STPG2: variants seen among roughly 807,000 people sequenced by gnomAD.
STPG2 encodes sperm tail PG-rich repeat containing 2, also known as sperm-tail PG-rich repeat-containing protein 2.
Under a neutral mutation model 54.2 loss-of-function variants are expected in STPG2, and 56 were observed. The ratio of observed to expected loss-of-function variants is 1.03; its 90% confidence interval spans 0.83 to 1.29. The LOEUF is 1.29. Among genes scored for constraint, STPG2 ranks in the 50% most tolerant of loss-of-function variants. STPG2 has a pLI of 0.00. For synonymous variants in STPG2, 200 were observed against 181.8 expected, an observed-to-expected ratio of 1.10 and a Z score of -0.81; for missense variants, 596 against 544.9, an observed-to-expected ratio of 1.09 and a Z score of -0.93.
downstream of STPG2, among the ~76,000 whole-genome samples, chr4:97,558,090 G>A (rs1283839012): frequency 2.6e-5 from 4 of 152,134 alleles, no homozygotes; most frequent in Non-Finnish European, 4.4e-5. Context: ...ATATATCTGT[G>A]CCTAATACAT....
At chr4:97,845,410 GATAGA>G (rs1728919709) in intron 8 of STPG2, among the ~76,000 whole-genome samples, 1 of 152,012 alleles carries the variant, frequency 6.6e-6, no homozygotes, top group South Asian at 2.1e-4. Context: ...GATCTCTTAA[GATAGA>G]ATAGATCTAT....
chr4:97,999,854 C>T (rs1201291936), intron 5 of STPG2, among the ~76,000 whole-genome samples: 1 of 152,090 alleles, frequency 6.6e-6, no homozygotes, highest in Non-Finnish European at 1.5e-5. Flanking sequence ...GCTGTAAATA[C>T]ACATTGGAAG....
rs762589453 is a variant in STPG2 at position 97,712,667 on chromosome 4, G to T, written c.1320+32C>A. ...CTTTCTGGAAATTAATTCTATTCTT[G>T]TGTCACTGTTAAGAAGGAAATATTG... On this transcript the variant is annotated intron_variant, in intron 10 of 10. Coordinates refer to ENST00000295268, the MANE Select transcript of STPG2 (RefSeq NM_174952.3). 5.6e-6 allele frequency: 8 copies of T among 1,420,268 alleles called. No individual in the cohort carries two copies. In the Admixed American group the frequency reaches 1.5e-4, roughly 26 times the overall value. The allele number at this position is 1,420,268 out of a possible 1,614,324, so 88.0% of individuals were successfully genotyped here. A position where few individuals can be genotyped will look rare whatever the true frequency, so the allele number is the denominator to read the frequency against.
intron 4 of STPG2, among the ~76,000 whole-genome samples, chr4:97,470,114 A>G (rs566301874): frequency 5.9e-5 from 9 of 152,142 alleles, no homozygotes; most frequent in Non-Finnish European, 1.3e-4. Flanking sequence ...ATAAAATAAA[A>G]TGAAAGTCAG....
At chr4:97,996,828 T>C (rs896960769) in intron 5 of STPG2, among the ~76,000 whole-genome samples, 1 of 151,922 alleles carries the variant, frequency 6.6e-6, no homozygotes, top group African/African-American at 2.4e-5. Flanking sequence ...AACAAGCATA[T>C]GAAAAAAATG....
At chr4:97,758,866 T>A (rs1389699694) in intron 9 of STPG2, among the ~76,000 whole-genome samples, 2 of 151,556 alleles carry the variant, frequency 1.3e-5, no homozygotes, top group Non-Finnish European at 2.9e-5. Flanking sequence ...AACCCAATAA[T>A]TAAAGACACA....
chr4:97,681,308 A>G (rs949769959), intron 10 of STPG2, among the ~76,000 whole-genome samples: 2 of 151,906 alleles, frequency 1.3e-5, no homozygotes, highest in African/African-American at 4.8e-5. Context: ...TCGATATAGA[A>G]CAAGAAAAAG....
At position 97,646,689 on chromosome 4, in the gene STPG2, C is replaced by G. The variant is rs539723524; in HGVS notation, c.1320+66010G>C. Among the ~76,000 whole-genome samples the G allele has an allele frequency of 4.6e-5, 7 of 152,114 alleles. No homozygotes were observed. In the South Asian group the frequency reaches 1.5e-3, roughly 32 times the overall value. The stretch of plus-strand genomic sequence containing the variant: ...TTAATAAAGTTTATTGATTTATATT[C>G]TGTAAATTAACAGAAAATGTTTTCA... On this transcript the variant is annotated intron_variant, in intron 10 of 10. Coordinates refer to ENST00000295268, the MANE Select transcript of STPG2 (RefSeq NM_174952.3).
chr4:97,464,189 A>G (rs1422080163), intron 4 of STPG2, among the ~76,000 whole-genome samples: 13 of 152,348 alleles, frequency 8.5e-5, no homozygotes, highest in Non-Finnish European at 2.9e-5. Context: ...AAAATTTTAT[A>G]AAAAGTTTGT....
intron 10 of STPG2, among the ~76,000 whole-genome samples, chr4:97,660,253 G>A (rs1452675752): frequency 6.6e-6 from 1 of 152,102 alleles, no homozygotes; most frequent in Non-Finnish European, 1.5e-5. Context: ...CGCCCGCCTC[G>A]GCTTCCCGAA....
chr4:97,914,980 G>A (rs1046377415), intron 8 of STPG2, among the ~76,000 whole-genome samples: 6 of 152,204 alleles, frequency 3.9e-5, no homozygotes, highest in South Asian at 4.1e-4. Context: ...ATTATAGCAC[G>A]TCAGAATTTC....
chr4:98,082,708 T>TC (rs1447363481), intron 5 of STPG2, among the ~76,000 whole-genome samples: 3 of 151,956 alleles, frequency 2.0e-5, no homozygotes, highest in Non-Finnish European at 4.4e-5. Flanking sequence ...TGCCTCGGCC[T>TC]CCCAAAGTGC....
chr4:98,090,747 CTTCT>C (rs775234589), intron 5 of STPG2, among the ~76,000 whole-genome samples: 3 of 151,804 alleles, frequency 2.0e-5, no homozygotes, highest in Non-Finnish European at 4.4e-5. Flanking sequence ...TTCAATCCTT[CTTCT>C]TTATTTCTTT....
At chr4:98,018,679 A>C (rs76668593) in intron 5 of STPG2, among the ~76,000 whole-genome samples, 2,366 of 149,860 alleles carry the variant, frequency 0.016, 65 homozygotes, top group African/African-American at 0.055. Context: ...TCCAGCACCT[A>C]TTGTTTCCTG....
chr4:97,565,808 G>C (rs1378743867), intron 10 of STPG2, among the ~76,000 whole-genome samples: 1 of 151,422 alleles, frequency 6.6e-6, no homozygotes, highest in Non-Finnish European at 1.5e-5. Context: ...TGTCTCAGAG[G>C]AGTACCCGGC....
At chr4:97,534,198 CAT>C (rs772721873) in intron 4 of STPG2, among the ~76,000 whole-genome samples, 18 of 151,874 alleles carry the variant, frequency 1.2e-4, no homozygotes, top group Non-Finnish European at 2.5e-4. Flanking sequence ...TGTTTATGTT[CAT>C]ACTTTTTATA....
chr4:97,891,189 C>T (rs1312699061), intron 8 of STPG2, among the ~76,000 whole-genome samples: 1 of 151,938 alleles, frequency 6.6e-6, no homozygotes, highest in African/African-American at 2.4e-5. Flanking sequence ...ATAAGCAAAA[C>T]CTACTTAAAT....
At chr4:97,907,637 C>T (rs1731492014) in intron 8 of STPG2, among the ~76,000 whole-genome samples, 1 of 152,126 alleles carries the variant, frequency 6.6e-6, no homozygotes, top group African/African-American at 2.4e-5. Context: ...GCTACAGTAA[C>T]CAAAACAGCA....
intron 5 of STPG2, among the ~76,000 whole-genome samples, chr4:98,020,833 T>C (rs566793872): frequency 6.2e-4 from 94 of 152,276 alleles, no homozygotes; most frequent in Non-Finnish European, 1.2e-3. Context: ...TCTCTGATGG[T>C]AGTTTGTATT....
Sources: allele counts gnomAD v4.1 joint callset (sites outside exome capture counted in the v4.1 genomes callset), GRCh38; gene constraint gnomAD v4.1.1; transcripts MANE v1.5; gene names NCBI Gene and HGNC (gene_info 2026-07-23, HGNC 2026-07-21).